TTC23L: variants seen among roughly 807,000 people sequenced by gnomAD.
TTC23L encodes tetratricopeptide repeat protein 23-like.
A neutral mutation model predicts 48.1 loss-of-function variants in TTC23L; 42 were observed. The ratio of observed to expected loss-of-function variants is 0.87; its 90% CI spans 0.68 to 1.13. The LOEUF (loss-of-function observed/expected upper bound fraction) is 1.13, where lower values mean the gene tolerates loss of function less well. TTC23L is among the 50% of genes most tolerant of loss of function. The probability of loss-of-function intolerance (pLI) is 0.00; values close to 1 mark genes in which losing one functional copy is unlikely to be tolerated. For missense variants in TTC23L, 391 were observed against 421.0 expected (o/e 0.93, Z 0.62); for synonymous variants, 159 against 157.2 (o/e 1.01, Z -0.09).
the TTC23L span, chr5:34,915,801 A>T: frequency 4.4e-6 from 7 of 1,589,770 alleles, no homozygotes; most frequent in African/African-American, 9.4e-5. Context: ...AGCCAAAAAG[A>T]AACGAAATAG....
At chr5:34,853,290 G>A (rs576580499) in intron 4 of TTC23L, among the ~76,000 whole-genome samples, 1 of 152,254 alleles carries the variant, frequency 6.6e-6, no homozygotes, top group South Asian at 2.1e-4. Context: ...CAGCACTTTG[G>A]GAGGCTGAGG....
intron 8 of TTC23L, among the ~76,000 whole-genome samples, chr5:34,872,114 C>T (rs1440359731): frequency 6.8e-6 from 1 of 146,100 alleles, no homozygotes; most frequent in Non-Finnish European, 1.5e-5. Context: ...CCCATCTCTA[C>T]CACAAAAAAA....
At chr5:34,884,198 A>C (rs1300297003) in intron 9 of TTC23L, among the ~76,000 whole-genome samples, 1 of 152,230 alleles carries the variant, frequency 6.6e-6, no homozygotes, top group East Asian at 1.9e-4. Context: ...GACAAAATTC[A>C]ATACCTTTTC....
At chr5:34,913,863 G>T in the TTC23L span, 3 of 477,146 alleles carry the variant, frequency 6.3e-6, no homozygotes, top group Non-Finnish European at 1.2e-5. Context: ...GATAATGCAT[G>T]AGCAACATTA....
At chr5:34,859,427 C>T (rs1760396949) in intron 4 of TTC23L, among the ~76,000 whole-genome samples, 1 of 152,214 alleles carries the variant, frequency 6.6e-6, no homozygotes, top group Non-Finnish European at 1.5e-5. Context: ...AATTCCCCCT[C>T]CTCATCTGGG....
the TTC23L span, chr5:34,908,891 T>TA: frequency 6.2e-7 from 1 of 1,612,730 alleles, no homozygotes; most frequent in Non-Finnish European, 8.5e-7. Flanking sequence ...TCCGAATAGA[T>TA]ACCTTACAAG....
chr5:34,843,317 A>G (rs1187081349), intron 2 of TTC23L, among the ~76,000 whole-genome samples: 1 of 152,046 alleles, frequency 6.6e-6, no homozygotes, highest in Admixed American at 6.6e-5. Flanking sequence ...CTTCCATTCA[A>G]CCTCCTATTC....
downstream of TTC23L, among the ~76,000 whole-genome samples, chr5:34,902,646 T>A (rs551458835): frequency 7.9e-5 from 12 of 152,314 alleles, no homozygotes; most frequent in South Asian, 2.1e-3. Context: ...ATATACTAAC[T>A]AAGCCAAAGC....
rs11950422 is a variant in TTC23L, at chr5:34,848,902, T to C, written c.256-1283T>C. Among the ~76,000 whole-genome samples the C allele has an allele frequency of 4.4e-3, 669 of 152,342 alleles. 9 individuals are homozygous for C. The highest frequency in any genetic ancestry group is 0.016 in the African/African-American group (653 of 41,592). ...AAAGCGGGAAGCTGTTGGAGGATTT[T>C]GAACAGGAAAGTCATGATCTAATTT... On this transcript the variant is annotated intron_variant, in intron 3 of 10. Coordinates refer to ENST00000505624, the Ensembl canonical transcript of TTC23L.
chr5:34,852,632 G>GC (rs1759769370), intron 4 of TTC23L, among the ~76,000 whole-genome samples: 1 of 152,120 alleles, frequency 6.6e-6, no homozygotes, highest in Non-Finnish European at 1.5e-5. Flanking sequence ...GACATTTAGT[G>GC]CCCCATTCAG....
chr5:34,879,151 T>A (rs994876387), intron 8 of TTC23L, among the ~76,000 whole-genome samples: 3 of 152,196 alleles, frequency 2.0e-5, no homozygotes, highest in Non-Finnish European at 4.4e-5. Context: ...TGTGTGCACA[T>A]GGGCTTAGTG....
intron 9 of TTC23L, chr5:34,888,326 T>C (rs1332077146): frequency 5.3e-6 from 1 of 187,938 alleles, no homozygotes; most frequent in African/African-American, 2.4e-5. Context: ...AAATGAAATG[T>C]AGTGCAGGTG....
intron 9 of TTC23L, among the ~76,000 whole-genome samples, chr5:34,888,917 G>C (rs180959594): frequency 6.6e-6 from 1 of 152,250 alleles, no homozygotes; most frequent in East Asian, 1.9e-4. Context: ...ACAAAGTCTA[G>C]GTCCCTAAAC....
chr5:34,871,710 A>C (rs1554020687), intron 8 of TTC23L, among the ~76,000 whole-genome samples: 4 of 152,196 alleles, frequency 2.6e-5, no homozygotes, highest in Non-Finnish European at 4.4e-5. Context: ...CTAATAACAT[A>C]TCTCTCTATA....
chr5:34,872,012 C>T (rs545112569), intron 8 of TTC23L, among the ~76,000 whole-genome samples: 1 of 151,732 alleles, frequency 6.6e-6, no homozygotes, highest in South Asian at 2.1e-4. Flanking sequence ...AAAAAAGTAC[C>T]AAGGCCTGGA....
chr5:34,919,239 A>G, the TTC23L span, among the ~76,000 whole-genome samples: 7 of 145,506 alleles, frequency 4.8e-5, no homozygotes, highest in Admixed American at 5.0e-4. Flanking sequence ...TTGCGCCACT[A>G]CATTTCAGCC....
chr5:34,918,685 AG>A, the TTC23L span: 4 of 438,638 alleles, frequency 9.1e-6, no homozygotes, highest in African/African-American at 6.2e-5. Flanking sequence ...TTTTTAAAAC[AG>A]GTGTCCTAAT....
chr5:34,861,636 G>A (rs1396003207), intron 4 of TTC23L: 1 of 152,204 alleles, frequency 6.6e-6, no homozygotes, highest in South Asian at 2.1e-4. Context: ...TAGAACACAT[G>A]AGGGCTGCAG....
downstream of TTC23L, among the ~76,000 whole-genome samples, chr5:34,900,239 G>A (rs1561164941): frequency 1.3e-5 from 2 of 152,184 alleles, no homozygotes; most frequent in Non-Finnish European, 2.9e-5. Flanking sequence ...GAGCCTTACT[G>A]ATAAGCTTAA....
Sources: gnomAD v4.1 joint callset for allele counts (sites outside exome capture counted in the v4.1 genomes callset) on GRCh38, gnomAD v4.1.1 for gene constraint, MANE v1.5 for transcripts, NCBI Gene and HGNC (gene_info 2026-07-23, HGNC 2026-07-21) for gene names.